The following SEZ6 variants were observed in gnomAD, a reference collection of about 807,000 sequenced individuals.
SEZ6 encodes seizure protein 6 homolog.
A neutral mutation model predicts 101.0 loss-of-function variants in SEZ6; 53 were observed. The observed-to-expected ratio is 0.52, with a 90% CI of 0.42 to 0.66. The LOEUF is 0.66. Among genes scored for constraint, SEZ6 ranks in the 30% least tolerant of loss-of-function variants. The pLI is 0.00. For missense variants in SEZ6, 1,102 were observed against 1,289.4 expected, an observed-to-expected ratio of 0.85 and a Z score of 2.23; for synonymous variants, 488 against 512.2, an observed-to-expected ratio of 0.95 and a Z score of 0.64.
At chr17:28,962,028 T>C (rs533348718) in intron 5 of SEZ6, among the ~76,000 whole-genome samples, 2 of 152,294 alleles carry the variant, frequency 1.3e-5, no homozygotes, top group African/African-American at 4.8e-5. Context: ...TGCTGAAAAT[T>C]GCTTAGTGGC....
At position 28,959,499 on chromosome 17, in the gene SEZ6, G is replaced by A. The variant is rs2040941892; in HGVS notation, c.1772-27C>T. ...TGGAAGGCAGAGGAGGCCCAGAAGGGTCTTTTCAAGCTTACCATGGTGTTG... is the reference window on the plus strand; with the variant it reads ...TGGAAGGCAGAGGAGGCCCAGAAGGATCTTTTCAAGCTTACCATGGTGTTG... On this transcript the variant is annotated intron_variant, in intron 8 of 16. Coordinates refer to ENST00000317338, the MANE Select transcript of SEZ6 (RefSeq NM_178860.5). The surrounding 1 kb of genome is among the most constrained non-coding windows in gnomAD (Gnocchi z 4.4). 1 of 1,606,424 alleles carries A rather than the reference G, an allele frequency of 6.2e-7. No individual in the cohort carries two copies. Among genetic ancestry groups the A allele is most frequent in the African/African-American group, 1.3e-5 (1 of 74,852 alleles).
intron 1 of SEZ6, among the ~76,000 whole-genome samples, chr17:29,004,715 G>T (rs1281755239): frequency 1.3e-5 from 2 of 152,176 alleles, no homozygotes; most frequent in African/African-American, 4.8e-5. Flanking sequence ...GGCAAGGGAT[G>T]GCAGGTCTCA....
chr17:28,989,977 C>T (rs147298852), intron 1 of SEZ6, among the ~76,000 whole-genome samples: 1 of 152,268 alleles, frequency 6.6e-6, no homozygotes, highest in Non-Finnish European at 1.5e-5. Context: ...GAAGCTAAGG[C>T]AGGAGAATCA....
intron 1 of SEZ6, among the ~76,000 whole-genome samples, chr17:28,998,003 G>A (rs1216680446): frequency 6.6e-6 from 1 of 152,096 alleles, no homozygotes; most frequent in East Asian, 1.9e-4. Flanking sequence ...CCTGCTGGCT[G>A]GTGGGACCCA....
Position 28,959,565 on chromosome 17 carries a change from C to A in SEZ6, c.1772-93G>T. On this transcript the variant is annotated intron_variant, in intron 8 of 16. Transcript: ENST00000317338. This position sits in a 1 kb window ranked among gnomAD's most constrained non-coding sequence, Gnocchi z 4.4. ...CAGGAGTGCCCACAAATTGCTGGGA[C>A]CCCCCACCTCCTCCTTGGAGGAAGC... 1 of 1,555,058 alleles carries A rather than the reference C, an allele frequency of 6.4e-7. No individual in the cohort carries two copies. The highest frequency in any genetic ancestry group is 8.7e-7 in the Non-Finnish European group (1 of 1,151,712).
intron 1 of SEZ6, among the ~76,000 whole-genome samples, chr17:28,992,474 G>A (rs1057026735): frequency 1.3e-5 from 2 of 152,168 alleles, no homozygotes; most frequent in African/African-American, 4.8e-5. Context: ...TCACTACCAT[G>A]TGTCCCTGCC....
In SEZ6 at chr17:28,981,568, G is replaced by T. The variant is rs1323979941; in HGVS notation, c.527C>A (p.Pro176His). The change falls in exon 2 of 17, where the codon CCC becomes CAC. Residue 176 changes from proline to histidine, a missense_variant. By Grantham distance (77) the Pro-to-His change is moderately conservative (BLOSUM62 -2). Transcript: ENST00000317338. ...LGPGEIASTTPPSRAWTPTQE... is the reference protein window; with the variant it reads ...LGPGEIASTTHPSRAWTPTQE... ...GGTTGGTGTCCAGGCTCTGCTGGGGGGTGTAGTGCTGGCTATCTCCCCTGG... is the reference window on the plus strand; with the variant it reads ...GGTTGGTGTCCAGGCTCTGCTGGGGTGTGTAGTGCTGGCTATCTCCCCTGG... The T allele has an allele frequency of 9.3e-6, 15 of 1,611,824 alleles. No individual in the cohort carries two copies. Among genetic ancestry groups the T allele is most frequent in the Non-Finnish European group, 1.3e-5 (15 of 1,178,780 alleles).
At chr17:28,979,845 C>A in intron 2 of SEZ6, 32 bp from the exon 3 acceptor site, 1 of 1,583,180 alleles carries the variant, frequency 6.3e-7, no homozygotes, top group African/African-American at 1.4e-5. Context: ...AAAGCTAGTG[C>A]CAGCTCTGGT....
rs778763424 is a variant in SEZ6, at chr17:28,960,677, C to A, written c.1410-6G>T. ...CCCCATTGCGAATGATGAGCCTGAA[C>A]CAGGAGAGTGGCAGCTATGTAGGCT... On this transcript the variant is annotated splice_polypyrimidine_tract_variant and splice_region_variant and intron_variant, in intron 6 of 16. Transcript: ENST00000317338. The A allele has an allele frequency of 1.2e-6, 2 of 1,610,140 alleles. No individual in the cohort carries two copies. Among genetic ancestry groups the A allele is most frequent in the South Asian group, 2.2e-5 (2 of 90,450 alleles).
chr17:28,991,670 C>T (rs567802942), intron 1 of SEZ6, among the ~76,000 whole-genome samples: 10 of 152,114 alleles, frequency 6.6e-5, no homozygotes, highest in Non-Finnish European at 1.0e-4. Flanking sequence ...CCCCTCCTTT[C>T]GGGTCTGGGA....
chr17:28,957,712 A>G (rs1353163801), intron 11 of SEZ6, 173 bp from the exon 12 acceptor site: 1 of 869,890 alleles, frequency 1.1e-6, no homozygotes. Context: ...CTTCCCATCT[A>G]TTAGGTTCGA....
chr17:28,990,917 AT>A (rs1297254403), intron 1 of SEZ6, among the ~76,000 whole-genome samples: 6 of 151,754 alleles, frequency 4.0e-5, no homozygotes, highest in African/African-American at 1.2e-4. Context: ...ATTAAAAAAA[AT>A]TTTTTTTGAG....
intron 1 of SEZ6, among the ~76,000 whole-genome samples, chr17:28,990,795 T>TATA (rs1211889638): frequency 6.6e-6 from 1 of 151,784 alleles, no homozygotes; most frequent in Non-Finnish European, 1.5e-5. Context: ...GTAATAATAA[T>TATA]ATAATAATAA....
chr17:28,967,523 C>T (rs2041088609), intron 4 of SEZ6, among the ~76,000 whole-genome samples: 1 of 152,142 alleles, frequency 6.6e-6, no homozygotes, highest in Admixed American at 6.5e-5. Flanking sequence ...TCCAGGGCAG[C>T]CACTCACAGT....
chr17:28,979,610 G>T, intron 3 of SEZ6, 70 bp downstream of exon 3: 2 of 1,603,544 alleles, frequency 1.2e-6, no homozygotes, highest in South Asian at 2.2e-5. Flanking sequence ...TCCTCTCATA[G>T]CATGTGCCTC....
intron 3 of SEZ6, among the ~76,000 whole-genome samples, chr17:28,974,510 A>G (rs565448979): frequency 6.6e-6 from 1 of 152,264 alleles, no homozygotes; most frequent in East Asian, 1.9e-4. Flanking sequence ...TTTCACATCC[A>G]TTATCTCTTC....
Position 29,005,727 on chromosome 17 carries a change from T to C in SEZ6, c.55+88A>G. 7.4e-7 allele frequency: 1 copy of C among 1,343,306 alleles called. No homozygotes were observed. Among genetic ancestry groups the C allele is most frequent in the Non-Finnish European group, 9.9e-7 (1 of 1,012,596 alleles). The allele number at this position is 1,343,306 out of a possible 1,614,324, so 83.2% of individuals were successfully genotyped here. On this transcript the variant is annotated intron_variant, in intron 1 of 16. Coordinates refer to ENST00000317338, the MANE Select transcript of SEZ6 (RefSeq NM_178860.5). This position sits in a 1 kb window ranked among gnomAD's most constrained non-coding sequence, Gnocchi z 4.8. ...GCGGTGCTTGGACTGGGCAGCCAGA[T>C]GCCCGAAGCTGGGCACCGGGTCTCC...
At chr17:29,004,822 G>A (rs1234495711) in intron 1 of SEZ6, among the ~76,000 whole-genome samples, 3 of 152,100 alleles carry the variant, frequency 2.0e-5, no homozygotes, top group Admixed American at 6.5e-5. Context: ...GAGCCAGGAC[G>A]GCAGGTCCAG....
At chr17:28,969,183 C>T (rs377216474) in intron 4 of SEZ6, among the ~76,000 whole-genome samples, 1 of 152,172 alleles carries the variant, frequency 6.6e-6, no homozygotes, top group East Asian at 1.9e-4. Context: ...TTCATTACAT[C>T]GTGCTGCTCC....
Sources: gnomAD v4.1 joint callset for allele counts (sites outside exome capture counted in the v4.1 genomes callset) on GRCh38, gnomAD v4.1.1 for gene constraint, Gnocchi (gnomAD v3.1) non-coding constraint, MANE v1.5 for transcripts, NCBI Gene and HGNC (gene_info 2026-07-23, HGNC 2026-07-21) for gene names.